Variants in EBF1 observed in about 807,000 individuals in gnomAD.
EBF1 encodes EBF transcription factor 1, also known as transcription factor COE1.
Under a neutral mutation model 68.4 loss-of-function variants are expected in EBF1, and 10 were observed. That is an observed-to-expected ratio of 0.15 (90% CI 0.09 to 0.25). The LOEUF (loss-of-function observed/expected upper bound fraction) is 0.25, where lower values mean the gene tolerates loss of function less well. Ranked by LOEUF, EBF1 falls within the 10% of genes least tolerant of loss-of-function variation. EBF1 has a pLI of 1.00. For synonymous variants in EBF1, 298 were observed against 299.8 expected, an observed-to-expected ratio of 0.99 and a Z score of 0.06; for missense variants, 509 against 794.4, an observed-to-expected ratio of 0.64 and a Z score of 4.32.
intron 14 of EBF1, 112 bp from the exon 15 acceptor site, chr5:158,708,285 G>T: frequency 9.0e-7 from 1 of 1,111,468 alleles, no homozygotes; most frequent in Non-Finnish European, 1.3e-6. Flanking sequence ...CTCAGACGAT[G>T]CTTCCAGCAC....
At chr5:158,702,059 T>G (rs1214127098) in intron 15 of EBF1, among the ~76,000 whole-genome samples, 1 of 152,196 alleles carries the variant, frequency 6.6e-6, no homozygotes, top group South Asian at 2.1e-4. Context: ...AGCATTACTG[T>G]TCTCTAAATC....
At chr5:158,812,981 C>G (rs1438317027) in intron 8 of EBF1, among the ~76,000 whole-genome samples, 1 of 152,022 alleles carries the variant, frequency 6.6e-6, no homozygotes, top group Non-Finnish European at 1.5e-5. Flanking sequence ...TGATTTGACT[C>G]AAAAAAAGAA....
intron 10 of EBF1, among the ~76,000 whole-genome samples, chr5:158,747,663 C>T (rs901545256): frequency 6.6e-6 from 1 of 152,174 alleles, no homozygotes. Context: ...CCTTTAAAGG[C>T]TGTTTTGCAA....
At chr5:158,779,631 A>C (rs1402363578) in intron 9 of EBF1, among the ~76,000 whole-genome samples, 1 of 152,216 alleles carries the variant, frequency 6.6e-6, no homozygotes, top group Non-Finnish European at 1.5e-5. Context: ...ACTGATAAGA[A>C]CTTTCAGCCA....
chr5:158,797,538 C>A (rs147150027), intron 8 of EBF1, among the ~76,000 whole-genome samples: 2 of 152,190 alleles, frequency 1.3e-5, no homozygotes, highest in East Asian at 3.9e-4. Context: ...AGCATTGAAG[C>A]CAATGAGAGC....
chr5:158,908,952 C>T (rs554569247), intron 6 of EBF1, among the ~76,000 whole-genome samples: 2 of 152,252 alleles, frequency 1.3e-5, no homozygotes, highest in African/African-American at 4.8e-5. Context: ...TTGTTCAGAC[C>T]GACTGGCTCT....
chr5:158,824,985 A>G (rs1340428904), intron 7 of EBF1, among the ~76,000 whole-genome samples: 1 of 152,252 alleles, frequency 6.6e-6, no homozygotes, highest in Non-Finnish European at 1.5e-5. Context: ...GAAACAGTTG[A>G]GAGTTCAATC....
chr5:158,799,170 G>A (rs1344188000), intron 8 of EBF1, among the ~76,000 whole-genome samples: 1 of 152,178 alleles, frequency 6.6e-6, no homozygotes, highest in Non-Finnish European at 1.5e-5. Context: ...GCTCACACCT[G>A]TAAACCCAGC....
intron 6 of EBF1, among the ~76,000 whole-genome samples, chr5:158,851,393 G>C (rs1337799442): frequency 1.5e-5 from 2 of 130,722 alleles, no homozygotes; most frequent in Non-Finnish European, 3.3e-5. Flanking sequence ...GGGAATGGGA[G>C]GGGGAGGGGG....
chr5:158,701,912 T>G (rs1388504685), intron 15 of EBF1, among the ~76,000 whole-genome samples: 1 of 152,220 alleles, frequency 6.6e-6, no homozygotes, highest in Non-Finnish European at 1.5e-5. Flanking sequence ...GAGGTTGTGA[T>G]GTCTTGGCAC....
intron 11 of EBF1, among the ~76,000 whole-genome samples, chr5:158,722,643 C>T (rs1478717066): frequency 1.3e-5 from 2 of 152,214 alleles, no homozygotes; most frequent in Non-Finnish European, 2.9e-5. Flanking sequence ...TGAGCATGAA[C>T]ATCATCGGTT....
At chr5:158,736,655 T>C (rs1047881674) in intron 10 of EBF1, among the ~76,000 whole-genome samples, 5 of 152,160 alleles carry the variant, frequency 3.3e-5, no homozygotes, top group African/African-American at 1.2e-4. Flanking sequence ...CTACTCCATA[T>C]TTGAACTAAA....
chr5:158,726,108 G>C (rs527428677), intron 11 of EBF1, among the ~76,000 whole-genome samples: 5 of 152,138 alleles, frequency 3.3e-5, no homozygotes, highest in African/African-American at 1.2e-4. Flanking sequence ...AATAATGCTC[G>C]AATGTATAAA....
At chr5:158,881,635 A>G (rs1248792768) in intron 6 of EBF1, among the ~76,000 whole-genome samples, 1 of 152,216 alleles carries the variant, frequency 6.6e-6, no homozygotes, top group Non-Finnish European at 1.5e-5. Context: ...GGAAGTCAGC[A>G]TAGAGAAGTC....
At chr5:158,763,942 C>T (rs1772092921) in intron 10 of EBF1, among the ~76,000 whole-genome samples, 1 of 152,200 alleles carries the variant, frequency 6.6e-6, no homozygotes, top group Admixed American at 6.5e-5. Flanking sequence ...ACCTTTCCAA[C>T]TCTAAAACTC....
At chr5:158,712,807 G>A (rs931332953) in intron 13 of EBF1, among the ~76,000 whole-genome samples, 163 bp downstream of exon 13, 1 of 152,182 alleles carries the variant, frequency 6.6e-6, no homozygotes, top group Non-Finnish European at 1.5e-5. Flanking sequence ...TTACCCGAAT[G>A]ATAGCTAGGA....
chr5:158,779,811 T>C (rs778763292), intron 9 of EBF1, among the ~76,000 whole-genome samples: 14 of 152,174 alleles, frequency 9.2e-5, no homozygotes, highest in Non-Finnish European at 2.1e-4. Context: ...ATTGATTAGA[T>C]ATGACTGCAA....
At chr5:158,724,702 T>C (rs1053343905) in intron 11 of EBF1, among the ~76,000 whole-genome samples, 2 of 152,204 alleles carry the variant, frequency 1.3e-5, no homozygotes, top group Non-Finnish European at 2.9e-5. Context: ...AGTCTGAATT[T>C]CAATTTTGCA....
In EBF1 at chr5:159,099,542, GGAAAGAAAA is replaced by G. The variant is rs1419012828; in HGVS notation, c.-73_-65del. On this transcript the variant is annotated 5_prime_UTR_variant, in exon 1 of 16. Transcript: ENST00000313708. ...GAAAAAAATTAAAAAAAAAAAAAAA[GGAAAGAAAA>G]GAAAGAAAAGAAAAGAAACAAAAAC... The G allele has an allele frequency of 3.8e-5, 48 of 1,253,134 alleles. No individual in the cohort carries two copies. The highest frequency in any genetic ancestry group is 3.1e-4 in the South Asian group (15 of 48,076). The allele number at this position is 1,253,134 out of a possible 1,614,324, so 77.6% of individuals were successfully genotyped here. A position where few individuals can be genotyped will look rare whatever the true frequency, so the allele number is the denominator to read the frequency against.
Sources: gnomAD v4.1 joint callset for allele counts (sites outside exome capture counted in the v4.1 genomes callset) on GRCh38, gnomAD v4.1.1 for gene constraint, MANE v1.5 for transcripts, NCBI Gene and HGNC (gene_info 2026-07-23, HGNC 2026-07-21) for gene names.